Variants in ASTN1 observed in about 807,000 individuals in gnomAD.
ASTN1 encodes astrotactin-1.
A neutral mutation model predicts 140.7 loss-of-function variants in ASTN1; 41 were observed. The ratio of observed to expected loss-of-function variants is 0.29; its 90% CI spans 0.23 to 0.38. ASTN1 has a LOEUF of 0.38. ASTN1 is among the 10% of genes least tolerant of loss of function. The pLI is 1.00. For synonymous variants in ASTN1, 640 were observed against 652.2 expected, an observed-to-expected ratio of 0.98 and a Z score of 0.29; for missense variants, 1,479 against 1,678.8, an observed-to-expected ratio of 0.88 and a Z score of 2.08.
At chr1:177,008,886 G>C (rs1675144817) in intron 8 of ASTN1, among the ~76,000 whole-genome samples, 1 of 152,138 alleles carries the variant, frequency 6.6e-6, no homozygotes, top group African/African-American at 2.4e-5. Flanking sequence ...GCCATAGTCT[G>C]GCCAGCAAAT....
At chr1:176,898,954 CA>C (rs1454105549) in intron 16 of ASTN1, among the ~76,000 whole-genome samples, 1 of 152,140 alleles carries the variant, frequency 6.6e-6, no homozygotes, top group African/African-American at 2.4e-5. Flanking sequence ...TTATAATTGA[CA>C]AAGGTGCCTT....
chr1:177,069,651 C>T (rs1051569089), intron 1 of ASTN1, among the ~76,000 whole-genome samples: 2 of 152,134 alleles, frequency 1.3e-5, no homozygotes, highest in Non-Finnish European at 2.9e-5. Context: ...TTCTATTTAC[C>T]TAGCCATGGA....
intron 8 of ASTN1, among the ~76,000 whole-genome samples, chr1:176,985,845 T>TACACACACACACACAC (rs60769752): frequency 7.7e-6 from 1 of 129,668 alleles, no homozygotes; most frequent in South Asian, 2.7e-4. Context: ...TCTCTCTCTC[T>TACACACACACACACAC]ACACACACAC....
Position 177,018,662 on chromosome 1 carries a change from C to T in ASTN1, c.1439-3787G>A, listed in dbSNP as rs376628883. ...GGTCTGTGGCCAGGATTGATGGGGG[C>T]TGTGAAATAAAGCAGGTGTGTGAAG... is the stretch of plus-strand genomic sequence containing the variant. On this transcript the variant is annotated intron_variant, in intron 7 of 22. Coordinates refer to ENST00000361833, the MANE Select transcript of ASTN1 (RefSeq NM_004319.3). Among the ~76,000 whole-genome samples, 51 of 152,192 alleles carry T rather than the reference C, an allele frequency of 3.4e-4. No homozygotes were observed. The East Asian group carries it at 6.2e-3, about 18-fold the overall frequency.
intron 14 of ASTN1, among the ~76,000 whole-genome samples, chr1:176,937,953 C>T (rs188912216): frequency 6.6e-6 from 1 of 152,084 alleles, no homozygotes; most frequent in Admixed American, 6.5e-5. Context: ...TGAGTAATTG[C>T]CAAATTTTCA....
chr1:176,939,182 CAAT>C (rs989468636), intron 14 of ASTN1, among the ~76,000 whole-genome samples: 8 of 152,078 alleles, frequency 5.3e-5, no homozygotes, highest in Admixed American at 5.2e-4. Flanking sequence ...ATGGCCTCCA[CAAT>C]GTTATCATCT....
At chr1:177,017,320 G>C (rs541202414) in intron 7 of ASTN1, among the ~76,000 whole-genome samples, 2 of 152,092 alleles carry the variant, frequency 1.3e-5, no homozygotes, top group African/African-American at 4.8e-5. Flanking sequence ...CTAGGTTTTG[G>C]GGATCTCCAA....
intron 16 of ASTN1, among the ~76,000 whole-genome samples, chr1:176,895,262 A>C (rs1555069): frequency 0.84 from 126,866 of 151,802 alleles, 53,163 homozygotes; most frequent in Middle Eastern, 0.95. Context: ...ATGGCTAACA[A>C]ATGGCAAACC....
At chr1:177,006,899 T>G (rs1389867404) in intron 8 of ASTN1, among the ~76,000 whole-genome samples, 1 of 152,134 alleles carries the variant, frequency 6.6e-6, no homozygotes, top group Non-Finnish European at 1.5e-5. Context: ...AAGCAGGCTG[T>G]CAAACATAGA....
intron 1 of ASTN1, among the ~76,000 whole-genome samples, chr1:177,161,741 T>C (rs1425874574): frequency 6.6e-6 from 1 of 152,098 alleles, no homozygotes; most frequent in Non-Finnish European, 1.5e-5. Flanking sequence ...AGCTTGTTTT[T>C]CTTGTTGTTT....
chr1:177,055,854 A>AATTT (rs771401560), intron 2 of ASTN1, among the ~76,000 whole-genome samples: 8 of 152,194 alleles, frequency 5.3e-5, no homozygotes, highest in Non-Finnish European at 1.0e-4. Context: ...TTTGTTAATG[A>AATTT]GTTTTTGTAA....
At chr1:176,958,207 AG>A in intron 10 of ASTN1, 137 bp downstream of exon 10, 1 of 1,309,624 alleles carries the variant, frequency 7.6e-7, no homozygotes. Context: ...GGCACAACAT[AG>A]GGGGAATTTG....
chr1:176,964,531 G>T (rs181429812), intron 9 of ASTN1, among the ~76,000 whole-genome samples: 28 of 152,302 alleles, frequency 1.8e-4, no homozygotes, highest in Admixed American at 1.6e-3. Flanking sequence ...ATCCTTCCTG[G>T]CTGGCACTCA....
At chr1:176,962,065 C>G (rs918606392) in intron 9 of ASTN1, among the ~76,000 whole-genome samples, 18 of 152,326 alleles carry the variant, frequency 1.2e-4, no homozygotes, top group African/African-American at 4.3e-4. Context: ...TGCTCTTGAC[C>G]TGGCATCTCC....
At chr1:177,124,918 G>A (rs1681571146) in intron 1 of ASTN1, among the ~76,000 whole-genome samples, 1 of 152,198 alleles carries the variant, frequency 6.6e-6, no homozygotes, top group African/African-American at 2.4e-5. Flanking sequence ...GGTAGTCCGT[G>A]CTCTCCTCTC....
chr1:177,069,749 T>G (rs977790041), intron 1 of ASTN1, among the ~76,000 whole-genome samples: 2 of 152,130 alleles, frequency 1.3e-5, no homozygotes, highest in Non-Finnish European at 2.9e-5. Context: ...GACTTGTGAT[T>G]TCATCCAAAC....
At chr1:177,075,432 A>G (rs1678845827) in intron 1 of ASTN1, among the ~76,000 whole-genome samples, 1 of 152,044 alleles carries the variant, frequency 6.6e-6, no homozygotes, top group Admixed American at 6.5e-5. Context: ...TCAAAAAAAA[A>G]AAAAAAAATA....
At chr1:177,122,629 C>G (rs1055828045) in intron 1 of ASTN1, among the ~76,000 whole-genome samples, 1 of 152,218 alleles carries the variant, frequency 6.6e-6, no homozygotes. Flanking sequence ...TCCTGGCAAC[C>G]TGGCTGCTCT....
intron 1 of ASTN1, among the ~76,000 whole-genome samples, chr1:177,144,314 G>A (rs1682616012): frequency 6.6e-6 from 1 of 150,576 alleles, no homozygotes; most frequent in African/African-American, 2.4e-5. Context: ...GTGCAGTGGC[G>A]CGATCTCGGC....
Sources: allele counts gnomAD v4.1 joint callset (sites outside exome capture counted in the v4.1 genomes callset), GRCh38; gene constraint gnomAD v4.1.1; transcripts MANE v1.5; gene names NCBI Gene and HGNC (gene_info 2026-07-23, HGNC 2026-07-21).